The following NTM variants were observed in gnomAD, a reference collection of about 807,000 sequenced individuals.
The protein encoded by NTM is IgLON family member 2.
Under a neutral mutation model 42.1 loss-of-function variants are expected in NTM, and 13 were observed. That is an observed-to-expected ratio of 0.31 (90% confidence interval 0.20 to 0.49). NTM has a LOEUF of 0.49. Ranked by LOEUF, NTM falls within the 20% of genes least tolerant of loss-of-function variation. NTM has a pLI of 0.99. For synonymous variants in NTM, 187 were observed against 179.2 expected, an observed-to-expected ratio of 1.04 and a Z score of -0.35; for missense variants, 373 against 452.8, an observed-to-expected ratio of 0.82 and a Z score of 1.60.
chr11:131,888,870 C>G (rs576263569), intron 1 of NTM, among the ~76,000 whole-genome samples: 3 of 151,138 alleles, frequency 2.0e-5, no homozygotes, highest in African/African-American at 7.3e-5. Context: ...AGCCTGGTCT[C>G]GGCATCGGCG....
intron 1 of NTM, among the ~76,000 whole-genome samples, chr11:131,553,937 T>C (rs2055045522): frequency 6.6e-6 from 1 of 152,216 alleles, no homozygotes; most frequent in Non-Finnish European, 1.5e-5. Flanking sequence ...TCAAGCCCTC[T>C]TAACCTATGA....
At chr11:131,653,449 C>A (rs1432818921) in intron 1 of NTM, among the ~76,000 whole-genome samples, 1 of 152,210 alleles carries the variant, frequency 6.6e-6, no homozygotes, top group African/African-American at 2.4e-5. Flanking sequence ...TCAAAACCTG[C>A]CTTTGCTTTG....
In NTM at chr11:132,335,144, T is replaced by C. The variant is rs1171971202; in HGVS notation, c.1066T>C (p.Ter356ArgextTer47). 6.2e-7 allele frequency: 1 copy of C among 1,612,128 alleles called. No individual in the cohort carries two copies. Among genetic ancestry groups the C allele is most frequent in the Non-Finnish European group, 8.5e-7 (1 of 1,179,954 alleles). ...LLVLHLLLKF[*>R] ...GGTCTTGCACCTGCTTCTCAAATTT[T>C]GATGTGAGTGCCACTTCCCCACCCG... is the stretch of plus-strand genomic sequence containing the variant. Residue 356 changes from the stop codon to arginine (R), a stop_lost, in exon 9 of 9, where the codon TGA becomes CGA. Transcript: ENST00000683400.
intron 1 of NTM, among the ~76,000 whole-genome samples, chr11:131,590,705 A>G (rs1048743900): frequency 1.3e-5 from 2 of 152,234 alleles, no homozygotes; most frequent in Admixed American, 6.5e-5. Flanking sequence ...ACTCATCTGC[A>G]TGGCAATTGA....
At chr11:131,451,039 T>C (rs558908278) in intron 1 of NTM, among the ~76,000 whole-genome samples, 2 of 152,270 alleles carry the variant, frequency 1.3e-5, no homozygotes, top group East Asian at 3.9e-4. Context: ...AAAATTGATA[T>C]TAACCATTTA....
At chr11:131,591,665 C>T (rs1189188919) in intron 1 of NTM, among the ~76,000 whole-genome samples, 1 of 152,194 alleles carries the variant, frequency 6.6e-6, no homozygotes, top group Non-Finnish European at 1.5e-5. Context: ...GTGTGTCTTT[C>T]ACCAGGTAGA....
rs546268386 is a variant in NTM, at chr11:132,040,085, C to T, written c.168-106197C>T. Among the ~76,000 whole-genome samples, 99 of 137,702 alleles carry T rather than the reference C, an allele frequency of 7.2e-4. 5 individuals are homozygous for T. In the South Asian group the frequency reaches 0.021, roughly 30 times the overall value. The allele number at this position is 137,702 out of a possible 152,430, so 90.3% of individuals were successfully genotyped here. Reference sequence around the variant, plus strand: ...CTGGGACTACAGATGCATGCTACCACGTCCAGCTAATTTTTTGTGTTTTTA... The same window carrying T: ...CTGGGACTACAGATGCATGCTACCATGTCCAGCTAATTTTTTGTGTTTTTA... On this transcript the variant is annotated intron_variant, in intron 2 of 8. Coordinates refer to ENST00000683400, the MANE Select transcript of NTM (RefSeq NM_001352005.2).
intron 4 of NTM, among the ~76,000 whole-genome samples, chr11:132,264,103 A>G (rs1205751287): frequency 1.3e-5 from 2 of 152,184 alleles, no homozygotes; most frequent in Non-Finnish European, 2.9e-5. Flanking sequence ...GGCTATGTCA[A>G]TTAGCAATCT....
chr11:131,831,189 A>T (rs912591032), intron 1 of NTM, among the ~76,000 whole-genome samples: 20 of 152,208 alleles, frequency 1.3e-4, no homozygotes, highest in Non-Finnish European at 2.4e-4. Flanking sequence ...TGTGGATAGG[A>T]CTTGCTGGGA....
chr11:131,986,884 C>A (rs1438346873), intron 2 of NTM, among the ~76,000 whole-genome samples: 1 of 152,124 alleles, frequency 6.6e-6, no homozygotes, highest in African/African-American at 2.4e-5. Flanking sequence ...GGAAATCTGA[C>A]ACATTCCAAC....
At chr11:131,969,959 G>A (rs1448800957) in intron 2 of NTM, among the ~76,000 whole-genome samples, 1 of 152,190 alleles carries the variant, frequency 6.6e-6, no homozygotes, top group Non-Finnish European at 1.5e-5. Flanking sequence ...GGGACCACAA[G>A]TGCGCAGCAC....
chr11:131,803,845 A>G (rs1003414065), intron 1 of NTM, among the ~76,000 whole-genome samples: 5 of 151,836 alleles, frequency 3.3e-5, no homozygotes, highest in Non-Finnish European at 7.4e-5. Context: ...TCTGTCCCCA[A>G]CCTTTCTCTT....
intron 7 of NTM, among the ~76,000 whole-genome samples, chr11:132,327,819 C>A (rs1037717692): frequency 6.7e-6 from 1 of 148,968 alleles, no homozygotes; most frequent in Non-Finnish European, 1.5e-5. Flanking sequence ...TCCTGTCTCC[C>A]TCCCTCCCTC....
At chr11:131,870,545 G>C (rs1451136474) in intron 1 of NTM, among the ~76,000 whole-genome samples, 2 of 152,096 alleles carry the variant, frequency 1.3e-5, no homozygotes, top group African/African-American at 4.8e-5. Flanking sequence ...GTGAGCCAGC[G>C]AGGGCCCTCC....
intron 2 of NTM, among the ~76,000 whole-genome samples, chr11:131,976,798 G>A (rs1327912109): frequency 6.6e-6 from 1 of 152,192 alleles, no homozygotes; most frequent in Non-Finnish European, 1.5e-5. Context: ...GCTTTGAAAA[G>A]CATCTCAGCG....
intron 1 of NTM, among the ~76,000 whole-genome samples, chr11:131,628,186 T>C (rs1031985257): frequency 6.6e-5 from 10 of 152,168 alleles, no homozygotes; most frequent in Non-Finnish European, 1.3e-4. Flanking sequence ...AGGGAGGATG[T>C]GAGGAGACAA....
intron 1 of NTM, among the ~76,000 whole-genome samples, chr11:131,591,986 CTCT>C (rs2059403811): frequency 2.0e-5 from 3 of 152,316 alleles, no homozygotes; most frequent in Admixed American, 1.3e-4. Context: ...AATCAGTCAC[CTCT>C]TCTTTTCCTC....
intron 5 of NTM, among the ~76,000 whole-genome samples, chr11:132,308,049 AAAT>A (rs916353129): frequency 6.6e-6 from 1 of 152,254 alleles, no homozygotes; most frequent in African/African-American, 2.4e-5. Flanking sequence ...AAGTAACTGA[AAAT>A]AATGCCAAAC....
At chr11:131,796,774 C>T (rs961612966) in intron 1 of NTM, among the ~76,000 whole-genome samples, 1 of 152,142 alleles carries the variant, frequency 6.6e-6, no homozygotes. Context: ...GAGGATAGCA[C>T]AGTAACAGCA....
Sources: allele counts gnomAD v4.1 joint callset (sites outside exome capture counted in the v4.1 genomes callset), GRCh38; gene constraint gnomAD v4.1.1; transcripts MANE v1.5; gene names NCBI Gene and HGNC (gene_info 2026-07-23, HGNC 2026-07-21).